The following TTLL5 variants were observed in gnomAD, a reference collection of about 807,000 sequenced individuals.
The protein encoded by TTLL5 is tubulin polyglutamylase TTLL5.
In TTLL5, 132 loss-of-function variants were observed where a neutral mutation model predicts 168.4. The observed-to-expected ratio is 0.78, with a 90% CI of 0.68 to 0.91. The LOEUF (loss-of-function observed/expected upper bound fraction) is 0.91, where lower values mean the gene tolerates loss of function less well. Ranked by LOEUF, TTLL5 falls within the 40% of genes least tolerant of loss-of-function variation. The pLI, the probability that TTLL5 is intolerant of heterozygous loss-of-function variation, is 0.00. For synonymous variants in TTLL5, 546 were observed against 558.6 expected (o/e 0.98, Z 0.32); for missense variants, 1,545 against 1,581.5 (o/e 0.98, Z 0.39).
chr14:75,760,210 G>A, intron 18 of TTLL5, among the ~76,000 whole-genome samples: 1 of 151,550 alleles, frequency 6.6e-6, no homozygotes, highest in Non-Finnish European at 1.5e-5. Context: ...GTAAATAATT[G>A]GAAAATGAAA....
intron 6 of TTLL5, among the ~76,000 whole-genome samples, chr14:75,694,986 G>A (rs1566817262): frequency 6.6e-6 from 1 of 152,118 alleles, no homozygotes; most frequent in Non-Finnish European, 1.5e-5. Context: ...TGAAATCTGG[G>A]CACCTTGAAA....
intron 27 of TTLL5, among the ~76,000 whole-genome samples, chr14:75,804,779 C>A (rs755874168): frequency 6.6e-6 from 1 of 152,220 alleles, no homozygotes; most frequent in Non-Finnish European, 1.5e-5. Context: ...ATTTCCTCAT[C>A]TGTAAAATGG....
At chr14:75,840,734 T>C (rs1390692816) in intron 28 of TTLL5, among the ~76,000 whole-genome samples, 1 of 152,244 alleles carries the variant, frequency 6.6e-6, no homozygotes, top group African/African-American at 2.4e-5. Context: ...TTCCCACTGC[T>C]ACCCAACCTT....
chr14:75,687,289 GT>G (rs991721278), intron 5 of TTLL5, among the ~76,000 whole-genome samples: 24 of 151,356 alleles, frequency 1.6e-4, no homozygotes, highest in Admixed American at 1.4e-3. Flanking sequence ...TGGTTTTTTT[GT>G]GGGGGGACAG....
At chr14:75,842,646 T>C (rs1428667327) in intron 28 of TTLL5, among the ~76,000 whole-genome samples, 1 of 152,014 alleles carries the variant, frequency 6.6e-6, no homozygotes, top group East Asian at 1.9e-4. Context: ...AAGGAAAATA[T>C]TAAAAAGGAA....
chr14:75,922,742 A>G (rs1414099844), intron 31 of TTLL5, among the ~76,000 whole-genome samples: 4 of 152,208 alleles, frequency 2.6e-5, no homozygotes, highest in African/African-American at 7.2e-5. Flanking sequence ...TGCTGGCGTC[A>G]TAAAATGAGT....
chr14:75,848,143 C>A (rs1311975699), intron 28 of TTLL5, among the ~76,000 whole-genome samples: 1 of 151,936 alleles, frequency 6.6e-6, no homozygotes, highest in Non-Finnish European at 1.5e-5. Flanking sequence ...AGGCAGGTTA[C>A]TGGAGCCAGA....
At chr14:75,738,951 C>G (rs1336295369) in intron 15 of TTLL5, among the ~76,000 whole-genome samples, 1 of 152,006 alleles carries the variant, frequency 6.6e-6, no homozygotes, top group African/African-American at 2.4e-5. Context: ...ACTACAGGTG[C>G]ACACCACCAT....
chr14:75,954,420 T>C lies in TTLL5; in HGVS notation c.3824-4T>C. On this transcript the variant is annotated splice_polypyrimidine_tract_variant and splice_region_variant and intron_variant, in intron 31 of 31. Transcript: ENST00000298832. ...CATTTCATGGTTGCCTTTCTCTTTTTCAGATCCTGCTCACACTAAAATATG... is the reference window on the plus strand; with the variant it reads ...CATTTCATGGTTGCCTTTCTCTTTTCCAGATCCTGCTCACACTAAAATATG... 1 of 1,614,070 alleles carries C rather than the reference T, an allele frequency of 6.2e-7. No individual in the cohort carries two copies. The highest frequency in any genetic ancestry group is 8.5e-7 in the Non-Finnish European group (1 of 1,180,024).
rs1355513735 is a variant in TTLL5 at position 75,954,871 on chromosome 14, AT to A, written c.*429del. On this transcript the variant is annotated 3_prime_UTR_variant, in exon 32 of 32. Transcript: ENST00000298832. ...TTTCCAGATTACAGTATGAAGCTTT[AT>A]TTTCTTTGTACAAGCTTAAAATTTC... is the stretch of plus-strand genomic sequence containing the variant. 1 of 162,688 alleles carries A rather than the reference AT, an allele frequency of 6.1e-6. No homozygotes were observed. Among genetic ancestry groups the A allele is most frequent in the African/African-American group, 2.4e-5 (1 of 41,826 alleles). 10.1% of individuals were successfully genotyped at this position (162,688 alleles called of 1,614,324 possible).
rs759757426 is a variant in TTLL5, at chr14:75,745,461, G to T, written c.1396-29G>T. 3 of 1,608,338 alleles carry T rather than the reference G, an allele frequency of 1.9e-6. No homozygotes were observed. The African/African-American group carries it at 4.0e-5, about 22-fold the overall frequency. ...ACATGGACTCCGGTTTTCAAAATAG[G>T]TACTCATTTTATCTTATTTTTCATC... On this transcript the variant is annotated intron_variant, in intron 16 of 31. Coordinates refer to ENST00000298832, the MANE Select transcript of TTLL5 (RefSeq NM_015072.5).
chr14:75,925,061 A>T (rs189585597), intron 31 of TTLL5, among the ~76,000 whole-genome samples: 1,676 of 130,466 alleles, frequency 0.013, 166 homozygotes, highest in African/African-American at 0.047. Context: ...CCTCACCTCC[A>T]GGATGGGGCG....
Position 75,863,676 on chromosome 14 carries a change from G to A in TTLL5, c.3336G>A (p.Gln1112=). The change falls in exon 29 of 32, where the codon CAG becomes CAA. Residue 1112 remains glutamine, a synonymous_variant. Transcript: ENST00000298832. Reference sequence around the variant, plus strand: ...TTGCTTTTCTCTTCAGGAGCCTGCAGACAGGGGGATTTGCCTGGGAAGGAG... The same window carrying A: ...TTGCTTTTCTCTTCAGGAGCCTGCAAACAGGGGGATTTGCCTGGGAAGGAG... The part of the protein sequence containing the change: ...HSSSPGSRSL[Q]TGGFAWEGEV... 6.2e-7 allele frequency: 1 copy of A among 1,609,380 alleles called. No homozygotes were observed. The highest frequency in any genetic ancestry group is 8.5e-7 in the Non-Finnish European group (1 of 1,177,844).
chr14:75,914,645 A>T (rs1432452884), intron 31 of TTLL5, among the ~76,000 whole-genome samples: 1 of 127,360 alleles, frequency 7.9e-6, no homozygotes. Context: ...TTTTTTTGAG[A>T]CGGAGTCTTG....
chr14:75,737,635 T>C, intron 15 of TTLL5: 1 of 1,529,578 alleles, frequency 6.5e-7, no homozygotes, highest in Non-Finnish European at 8.7e-7. Context: ...TGGAGACTTC[T>C]TCAAATTTTA....
intron 18 of TTLL5, among the ~76,000 whole-genome samples, chr14:75,759,266 C>T (rs1890479052): frequency 2.0e-5 from 3 of 152,064 alleles, no homozygotes; most frequent in African/African-American, 4.8e-5. Context: ...ATTACTTTGA[C>T]AGCTTAGTTG....
chr14:75,892,579 C>T (rs2032454727), intron 30 of TTLL5, among the ~76,000 whole-genome samples: 3 of 152,160 alleles, frequency 2.0e-5, no homozygotes, highest in Admixed American at 6.5e-5. Context: ...AGTGGGTAGA[C>T]TCTACAGATC....
intron 6 of TTLL5, among the ~76,000 whole-genome samples, chr14:75,694,087 C>T (rs1885653094): frequency 1.3e-5 from 2 of 152,188 alleles, no homozygotes; most frequent in Admixed American, 1.3e-4. Context: ...CTGGAAAGCA[C>T]TTGAAAGAAC....
intron 31 of TTLL5, among the ~76,000 whole-genome samples, chr14:75,928,835 G>A (rs535861726): frequency 6.6e-6 from 1 of 152,204 alleles, no homozygotes; most frequent in East Asian, 1.9e-4. Flanking sequence ...CTGATGAAGA[G>A]CAGGTTAATC....
Sources: gnomAD v4.1 joint callset for allele counts (sites outside exome capture counted in the v4.1 genomes callset) on GRCh38, gnomAD v4.1.1 for gene constraint, MANE v1.5 for transcripts, NCBI Gene and HGNC (gene_info 2026-07-23, HGNC 2026-07-21) for gene names.